The following ZNF624 variants were observed in gnomAD, a reference collection of about 807,000 sequenced individuals.
ZNF624 encodes zinc finger protein 624.
In ZNF624, 43 loss-of-function variants were observed where a neutral mutation model predicts 74.7. That is an observed-to-expected ratio of 0.58 (90% confidence interval 0.45 to 0.74). The LOEUF is 0.74. Among genes scored for constraint, ZNF624 ranks in the 30% least tolerant of loss-of-function variants. The pLI, the probability that ZNF624 is intolerant of heterozygous loss-of-function variation, is 0.00. For synonymous variants in ZNF624, 331 were observed against 341.3 expected (o/e 0.97, Z 0.33); for missense variants, 820 against 1,030.0 (o/e 0.80, Z 2.79).
At chr17:16,617,681 T>C (rs1908819000), downstream of ZNF624, 1 of 1,604,012 alleles carries the variant, frequency 6.2e-7, no homozygotes, top group Non-Finnish European at 8.5e-7. Flanking sequence ...GGGCGTGCTC[T>C]ACGATCACGC....
chr17:16,632,562 C>G (rs978318828), intron 5 of ZNF624, among the ~76,000 whole-genome samples: 3 of 152,152 alleles, frequency 2.0e-5, no homozygotes, highest in Non-Finnish European at 4.4e-5. Context: ...TAAATAATAT[C>G]TGATATATAA....
Position 16,652,389 on chromosome 17 carries a change from A to G in ZNF624, c.-3+1375T>C, listed in dbSNP as rs149962777. Among the ~76,000 whole-genome samples the G allele has an allele frequency of 3.9e-3, 597 of 152,300 alleles. 2 individuals are homozygous for G. Among genetic ancestry groups the G allele is most frequent in the African/African-American group, 0.013 (557 of 41,550 alleles). The stretch of plus-strand genomic sequence containing the variant: ...CAAAGAGCAACATAAGGCATTTTCA[A>G]TTCCGAAGGTCTAGAGTAATGGTTT... On this transcript the variant is annotated intron_variant, in intron 1 of 5. Coordinates refer to ENST00000311331, the MANE Select transcript of ZNF624 (RefSeq NM_020787.4).
intron 5 of ZNF624, among the ~76,000 whole-genome samples, chr17:16,628,754 C>A (rs1172571479): frequency 6.6e-6 from 1 of 151,480 alleles, no homozygotes; most frequent in East Asian, 1.9e-4. Flanking sequence ...GAAATAATGT[C>A]TTAGAATTTT....
downstream of ZNF624, among the ~76,000 whole-genome samples, chr17:16,619,093 G>A (rs1352873070): frequency 1.3e-5 from 2 of 152,104 alleles, no homozygotes; most frequent in African/African-American, 4.8e-5. Flanking sequence ...CATGATCATC[G>A]GATTTATCAT....
rs1268193232 is a variant in ZNF624 at position 16,621,224 on chromosome 17, GT to G, written c.*1063del. On this transcript the variant is annotated 3_prime_UTR_variant, in exon 6 of 6. Transcript: ENST00000311331. ...AAATCAGCTAGCATAGATATAAGTCGTTTTTAAAATTACTCTCACACTGTTC... is the reference window on the plus strand; with the variant it reads ...AAATCAGCTAGCATAGATATAAGTCGTTTTAAAATTACTCTCACACTGTTC... 1 of 152,174 alleles carries G rather than the reference GT, an allele frequency of 6.6e-6. No homozygotes were observed. The highest frequency in any genetic ancestry group is 1.5e-5 in the Non-Finnish European group (1 of 68,038). 9.4% of individuals were successfully genotyped at this position (152,174 alleles called of 1,614,324 possible). A position where few individuals can be genotyped will look rare whatever the true frequency, so the allele number is the denominator to read the frequency against.
chr17:16,637,246 G>C (rs1004937512), intron 3 of ZNF624, among the ~76,000 whole-genome samples: 1 of 152,206 alleles, frequency 6.6e-6, no homozygotes, highest in African/African-American at 2.4e-5. Flanking sequence ...AACATTCCAT[G>C]CTCATGGGTA....
intron 3 of ZNF624, among the ~76,000 whole-genome samples, chr17:16,637,740 G>A (rs1457143813): frequency 2.6e-5 from 4 of 152,224 alleles, no homozygotes; most frequent in Non-Finnish European, 4.4e-5. Context: ...AGACTTACAT[G>A]TTAGGCTTAA....
intron 2 of ZNF624, 63 bp downstream of exon 2, chr17:16,649,595 C>T: frequency 6.8e-7 from 1 of 1,467,108 alleles, no homozygotes; most frequent in East Asian, 2.3e-5. Flanking sequence ...CGCAAGCCTT[C>T]AGGCAAAGTA....
chr17:16,624,465 C>A lies in ZNF624; in HGVS notation c.421G>T (p.Ala141Ser), dbSNP rs142158380. ...PATKKATRTK[A>S]ISEDLSQEAI... Reference sequence around the variant, plus strand: ...TCCTGTGATAAATCTTCAGAAATAGCCTTTGTTCGTGTAGCCTTCTTGGTT... The same window carrying A: ...TCCTGTGATAAATCTTCAGAAATAGACTTTGTTCGTGTAGCCTTCTTGGTT... Residue 141 changes from alanine to serine, a missense_variant, in exon 6 of 6, where the codon GCT becomes TCT. Physicochemically the swap from Ala to Ser is moderately conservative, Grantham distance 99. Transcript: ENST00000311331. 2.5e-6 allele frequency: 4 copies of A among 1,593,896 alleles called. No individual in the cohort carries two copies. The highest frequency in any genetic ancestry group is 1.4e-5 in the African/African-American group (1 of 73,648).
chr17:16,624,033 A>C lies in ZNF624; in HGVS notation c.853T>G (p.Phe285Val). Reference sequence around the variant, plus strand: ...TGAATGAGCAATGATCTATAATGAAAGGCCTTTTCGCATGTACTACATTTG... The same window carrying C: ...TGAATGAGCAATGATCTATAATGAACGGCCTTTTCGCATGTACTACATTTG... ...PYKCSTCEKAFHYRSLLIQHQ... is the reference protein window; with the variant it reads ...PYKCSTCEKAVHYRSLLIQHQ... Residue 285 changes from phenylalanine to valine, a missense_variant, in exon 6 of 6, where the codon TTT becomes GTT. Physicochemically the swap from Phe to Val is conservative, Grantham distance 50. Transcript: ENST00000311331. 1 of 1,613,624 alleles carries C rather than the reference A, an allele frequency of 6.2e-7. No homozygotes were observed. Among genetic ancestry groups the C allele is most frequent in the South Asian group, 1.1e-5 (1 of 90,950 alleles).
In ZNF624 at chr17:16,624,271, A is replaced by T. The variant is rs768824154; in HGVS notation, c.615T>A (p.Phe205Leu). 2 of 1,614,018 alleles carry T rather than the reference A, an allele frequency of 1.2e-6. No individual in the cohort carries two copies. Among genetic ancestry groups the T allele is most frequent in the South Asian group, 1.1e-5 (1 of 91,066 alleles). ...KTPTSQRGFRFESILIPEPGI... is the reference protein window; with the variant it reads ...KTPTSQRGFRLESILIPEPGI... Reference sequence around the variant, plus strand: ...CTGGTTCTGGAATAAGAATAGATTCAAATCTAAAGCCTCTTTGACTAGTGG... The same window carrying T: ...CTGGTTCTGGAATAAGAATAGATTCTAATCTAAAGCCTCTTTGACTAGTGG... The change falls in exon 6 of 6, where the codon TTT (phenylalanine) becomes TTA (leucine). Residue 205 changes from phenylalanine to leucine, a missense_variant. Physicochemically the swap from Phe to Leu is conservative, Grantham distance 22. Transcript: ENST00000311331.
At chr17:16,614,291 C>A in the ZNF624 span, among the ~76,000 whole-genome samples, 1 of 151,930 alleles carries the variant, frequency 6.6e-6, no homozygotes, top group African/African-American at 2.4e-5. Context: ...AATGTTAAGT[C>A]CTAGAAAACC....
chr17:16,624,332 T>C lies in ZNF624; in HGVS notation c.554A>G (p.His185Arg), dbSNP rs966837850. ...GAGTGGAATTATTCTTTGACTCAAATGATTCTCCTGATTATTTTGTAATCT... is the reference window on the plus strand; with the variant it reads ...GAGTGGAATTATTCTTTGACTCAAACGATTCTCCTGATTATTTTGTAATCT... ...ILRLQNNQEN[H>R]LSQRIIPLKK... is the part of the protein sequence containing the mutation. The change falls in exon 6 of 6, where the codon CAT (histidine) becomes CGT (arginine). Residue 185 changes from histidine to arginine, a missense_variant. Transcript: ENST00000311331. 3 of 1,613,454 alleles carry C rather than the reference T, an allele frequency of 1.9e-6. No homozygotes were observed. Among genetic ancestry groups the C allele is most frequent in the Admixed American group, 1.7e-5 (1 of 59,878 alleles).
intron 4 of ZNF624, among the ~76,000 whole-genome samples, chr17:16,634,255 C>T (rs1219020659): frequency 6.6e-6 from 1 of 152,196 alleles, no homozygotes; most frequent in Non-Finnish European, 1.5e-5. Flanking sequence ...ATTACAAAGA[C>T]ATCTCAAAGG....
chr17:16,620,107 T>C (rs1387891638), downstream of ZNF624, among the ~76,000 whole-genome samples: 2 of 152,214 alleles, frequency 1.3e-5, no homozygotes, highest in Non-Finnish European at 2.9e-5. Flanking sequence ...TAAATACATA[T>C]TTACCCTGGC....
In ZNF624 at chr17:16,622,577, T is replaced by A. The variant is rs138987727; in HGVS notation, c.2309A>T (p.His770Leu). The change falls in exon 6 of 6, where the codon CAT becomes CTT. Residue 770 changes from histidine to leucine, a missense_variant. Physicochemically the swap from His to Leu is moderately conservative, Grantham distance 99. Coordinates refer to ENST00000311331, the MANE Select transcript of ZNF624 (RefSeq NM_020787.4). ...TTTTTCTCCAGTGTGTGTTCTCCAA[T>A]GCACTGTAAGGTAAGAACCCCTCCT... The part of the protein sequence containing the change: ...AFRRGSYLTV[H>L]WRTHTGEKPY... 2.1e-5 allele frequency: 34 copies of A among 1,614,058 alleles called. No individual in the cohort carries two copies. The highest frequency in any genetic ancestry group is 2.9e-5 in the Non-Finnish European group (34 of 1,179,952).
At chr17:16,642,516 C>T (rs1597497435) in intron 3 of ZNF624, among the ~76,000 whole-genome samples, 2 of 152,262 alleles carry the variant, frequency 1.3e-5, no homozygotes, top group East Asian at 3.9e-4. Flanking sequence ...CAAAACTTAA[C>T]TCAAAATGGA....
chr17:16,625,805 T>C (rs1909057198), intron 5 of ZNF624, among the ~76,000 whole-genome samples: 1 of 152,198 alleles, frequency 6.6e-6, no homozygotes. Context: ...TTACAATGTG[T>C]TTGTGTATGC....
Position 16,634,739 on chromosome 17 carries a change from C to T in ZNF624, c.171G>A (p.Lys57=), listed in dbSNP as rs1373306847. ...CCAATGTGAAGTCTATAGCCACATC[C>T]TTAAATGTCACCGATTCCTAAAACA... The part of the protein sequence containing the change: ...TQLVKESVTF[K]DVAIDFTLEE... The change falls in exon 4 of 6, where the codon AAG becomes AAA. Residue 57 remains lysine (K), a synonymous_variant. Transcript: ENST00000311331. The T allele has an allele frequency of 3.7e-6, 6 of 1,612,450 alleles. No individual in the cohort carries two copies. The South Asian group carries it at 4.4e-5, about 12-fold the overall frequency.
Sources: gnomAD v4.1 joint callset for allele counts (sites outside exome capture counted in the v4.1 genomes callset) on GRCh38, gnomAD v4.1.1 for gene constraint, MANE v1.5 for transcripts, NCBI Gene and HGNC (gene_info 2026-07-23, HGNC 2026-07-21) for gene names.